Variants in ZNF385D observed in about 807,000 individuals in gnomAD.
The protein encoded by ZNF385D is zinc finger protein 659.
ZNF385D carries 15 observed loss-of-function variants against 35.8 expected under a neutral mutation model. The ratio of observed to expected loss-of-function variants is 0.42; its 90% CI spans 0.28 to 0.64. The LOEUF is 0.64. ZNF385D is among the 30% of genes least tolerant of loss of function. The probability of loss-of-function intolerance (pLI) is 0.23; values close to 1 mark genes in which losing one functional copy is unlikely to be tolerated. For missense variants in ZNF385D, 474 were observed against 494.6 expected (o/e 0.96, Z 0.39); for synonymous variants, 212 against 186.8 (o/e 1.13, Z -1.10).
intron 2 of ZNF385D, among the ~76,000 whole-genome samples, chr3:22,275,362 A>C (rs967177048): frequency 6.6e-6 from 1 of 152,110 alleles, no homozygotes; most frequent in Admixed American, 6.6e-5. Flanking sequence ...CTAACACATG[A>C]GAGTTTGAGA....
chr3:21,667,036 C>T (rs1054587073), intron 1 of ZNF385D, among the ~76,000 whole-genome samples: 6 of 152,196 alleles, frequency 3.9e-5, no homozygotes, highest in Non-Finnish European at 8.8e-5. Context: ...GAGATCGCAC[C>T]ACTGTACTTC....
chr3:21,917,111 G>C (rs1472349536), intron 3 of ZNF385D, among the ~76,000 whole-genome samples: 2 of 152,182 alleles, frequency 1.3e-5, no homozygotes, highest in East Asian at 3.9e-4. Context: ...AAATGGAGAA[G>C]ACACAAGATA....
intron 3 of ZNF385D, among the ~76,000 whole-genome samples, chr3:21,758,792 T>C (rs2070460863): frequency 6.6e-6 from 1 of 151,890 alleles, no homozygotes; most frequent in Admixed American, 6.6e-5. Flanking sequence ...AAGTTGTGTA[T>C]ATTTTCACCT....
chr3:21,910,075 CAT>C (rs1164798023), intron 3 of ZNF385D, among the ~76,000 whole-genome samples: 2 of 129,022 alleles, frequency 1.6e-5, no homozygotes, highest in Admixed American at 7.3e-5. Flanking sequence ...GTGGGTTAAA[CAT>C]ATATTTTACA....
intron 2 of ZNF385D, among the ~76,000 whole-genome samples, chr3:21,652,648 C>T (rs1214818583): frequency 6.7e-5 from 10 of 149,252 alleles, no homozygotes; most frequent in African/African-American, 2.0e-4. Flanking sequence ...CAACAGTCCC[C>T]GAAGTGTGAT....
intron 3 of ZNF385D, among the ~76,000 whole-genome samples, chr3:22,078,802 G>A (rs994884554): frequency 6.6e-5 from 10 of 151,832 alleles, no homozygotes; most frequent in African/African-American, 2.2e-4. Context: ...TATAGGATAT[G>A]GTTTCAAAAT....
chr3:22,006,215 G>C (rs1307238526), intron 3 of ZNF385D, among the ~76,000 whole-genome samples: 10 of 152,074 alleles, frequency 6.6e-5, no homozygotes, highest in Non-Finnish European at 4.4e-5. Context: ...TTTGAGAAGA[G>C]GAGGGAAAGG....
chr3:21,572,102 T>G (rs1374745687), intron 2 of ZNF385D, among the ~76,000 whole-genome samples: 1 of 152,104 alleles, frequency 6.6e-6, no homozygotes, highest in Non-Finnish European at 1.5e-5. Flanking sequence ...ACATGGTTAG[T>G]CTTTCTGGTG....
chr3:21,609,186 C>G (rs796177518), intron 2 of ZNF385D, among the ~76,000 whole-genome samples: 35 of 152,252 alleles, frequency 2.3e-4, no homozygotes, highest in African/African-American at 7.2e-4. Flanking sequence ...TATTCCAGAA[C>G]AGAGTAAAAC....
At chr3:21,428,989 T>A (rs1701160990) in intron 5 of ZNF385D, among the ~76,000 whole-genome samples, 2 of 146,120 alleles carry the variant, frequency 1.4e-5, no homozygotes, top group African/African-American at 2.5e-5. Context: ...GGGGGAAAGA[T>A]ACATATTACG....
chr3:22,129,497 C>T (rs1227658173), intron 3 of ZNF385D, among the ~76,000 whole-genome samples: 2 of 150,986 alleles, frequency 1.3e-5, no homozygotes, highest in African/African-American at 4.9e-5. Flanking sequence ...TAGGAATTGG[C>T]TTGGTGCTTT....
chr3:22,306,711 A>G (rs1703242596), intron 2 of ZNF385D, among the ~76,000 whole-genome samples: 1 of 152,138 alleles, frequency 6.6e-6, no homozygotes, highest in Admixed American at 6.6e-5. Context: ...GAGAATTGTC[A>G]GAGAGTTGGA....
chr3:22,053,100 C>A lies in ZNF385D; in HGVS notation c.325+115717G>T, dbSNP rs888884152. 7.4e-5 allele frequency among the ~76,000 whole-genome samples: 6 copies of A among 80,818 alleles called. 3 individuals are homozygous for A. The highest frequency in any genetic ancestry group is 1.5e-4 in the Non-Finnish European group (6 of 40,124). The allele number at this position is 80,818 out of a possible 152,430, so 53.0% of individuals were successfully genotyped here. A position where few individuals can be genotyped will look rare whatever the true frequency, so the allele number is the denominator to read the frequency against. On this transcript the variant is annotated intron_variant, in intron 3 of 5. Transcript: ENST00000494108. ...ATGGCGGGCGCCCCTCCCCCAGCCT[C>A]GTTGCCGCCTTGCAGTTTGATCTCA...
intron 3 of ZNF385D, among the ~76,000 whole-genome samples, chr3:22,022,227 G>C (rs966311676): frequency 6.6e-6 from 1 of 152,048 alleles, no homozygotes; most frequent in Non-Finnish European, 1.5e-5. Flanking sequence ...ATAAAATTAA[G>C]TTAACTGGCA....
intron 2 of ZNF385D, among the ~76,000 whole-genome samples, chr3:22,215,201 G>T (rs999442826): frequency 6.6e-6 from 1 of 151,838 alleles, no homozygotes; most frequent in African/African-American, 2.4e-5. Flanking sequence ...CAAATTGTTC[G>T]TACAGCATGC....
intron 2 of ZNF385D, among the ~76,000 whole-genome samples, chr3:22,234,933 A>C (rs1044537944): frequency 1.3e-5 from 2 of 152,036 alleles, no homozygotes; most frequent in Admixed American, 1.3e-4. Flanking sequence ...AGCCAGGCAA[A>C]ATATCTTCAA....
intron 2 of ZNF385D, among the ~76,000 whole-genome samples, chr3:21,638,608 T>A (rs2065515644): frequency 6.6e-6 from 1 of 152,110 alleles, no homozygotes; most frequent in Non-Finnish European, 1.5e-5. Context: ...ACCTAGAATC[T>A]CATATCTTCT....
intron 3 of ZNF385D, among the ~76,000 whole-genome samples, chr3:22,076,042 C>A (rs1024658867): frequency 1.3e-5 from 2 of 151,890 alleles, no homozygotes; most frequent in African/African-American, 4.8e-5. Flanking sequence ...TTTGTCTCCC[C>A]CATTACCAAC....
intron 3 of ZNF385D, among the ~76,000 whole-genome samples, chr3:21,790,464 G>A (rs1223733137): frequency 2.0e-5 from 3 of 151,914 alleles, no homozygotes; most frequent in Non-Finnish European, 4.4e-5. Flanking sequence ...TAATTTTTTT[G>A]AAGTTTAAAT....
Sources: allele counts gnomAD v4.1 joint callset (sites outside exome capture counted in the v4.1 genomes callset), GRCh38; gene constraint gnomAD v4.1.1; transcripts MANE v1.5; gene names NCBI Gene and HGNC (gene_info 2026-07-23, HGNC 2026-07-21).